Variants in MPHOSPH8 observed in about 807,000 individuals in gnomAD.
MPHOSPH8 encodes the protein M-phase phosphoprotein 8.
In MPHOSPH8, 45 loss-of-function variants were observed where a neutral mutation model predicts 87.3. That is an observed-to-expected ratio of 0.52 (90% CI 0.41 to 0.66). The LOEUF is 0.66. Ranked by LOEUF, MPHOSPH8 falls within the 30% of genes least tolerant of loss-of-function variation. The pLI, the probability that MPHOSPH8 is intolerant of heterozygous loss-of-function variation, is 0.00. For missense variants in MPHOSPH8, 883 were observed against 1,020.2 expected (o/e 0.87, Z 1.83); for synonymous variants, 366 against 376.9 (o/e 0.97, Z 0.33).
At chr13:19,645,954 G>A (rs1489863910) in intron 2 of MPHOSPH8, among the ~76,000 whole-genome samples, 4 of 152,082 alleles carry the variant, frequency 2.6e-5, no homozygotes, top group African/African-American at 4.8e-5. Flanking sequence ...ACATGAACTT[G>A]GGAAGTAAGA....
chr13:19,642,282 T>G lies in MPHOSPH8; in HGVS notation c.369+12T>G. ...GGAAGGATATTCAGGTACTATGTTT[T>G]GTCTCATATTTGTTTTTACATACAT... is the stretch of plus-strand genomic sequence containing the variant. On this transcript the variant is annotated intron_variant, in intron 2 of 13. Transcript: ENST00000361479. 6.4e-7 allele frequency: 1 copy of G among 1,570,068 alleles called. No individual in the cohort carries two copies. The highest frequency in any genetic ancestry group is 8.6e-7 in the Non-Finnish European group (1 of 1,164,828).
At chr13:19,668,652 C>G in intron 11 of MPHOSPH8, 121 bp downstream of exon 11, 1 of 1,151,058 alleles carries the variant, frequency 8.7e-7, no homozygotes. Context: ...TGTAATAATT[C>G]TGCAGACCGG....
At chr13:19,660,542 G>C (rs1368447554) in intron 7 of MPHOSPH8, among the ~76,000 whole-genome samples, 1 of 152,132 alleles carries the variant, frequency 6.6e-6, no homozygotes, top group Non-Finnish European at 1.5e-5. Flanking sequence ...AAATAATATA[G>C]ATTGAGAATT....
intron 7 of MPHOSPH8, chr13:19,661,060 C>T: frequency 1.5e-6 from 1 of 651,098 alleles, no homozygotes; most frequent in Non-Finnish European, 1.9e-6. Context: ...GAGTTTGAGA[C>T]CAGCCTGGGC....
Position 19,672,768 on chromosome 13 carries a change from T to A in MPHOSPH8, c.*893T>A, listed in dbSNP as rs1304875458. On this transcript the variant is annotated 3_prime_UTR_variant, in exon 14 of 14. Coordinates refer to ENST00000361479, the MANE Select transcript of MPHOSPH8 (RefSeq NM_017520.4). Reference sequence around the variant, plus strand: ...GAGAATCTAAGATGTAGTAAGAATGTAAACCAGTACACTATGAGACCTAAA... The same window carrying A: ...GAGAATCTAAGATGTAGTAAGAATGAAAACCAGTACACTATGAGACCTAAA... 3 of 187,986 alleles carry A rather than the reference T, an allele frequency of 1.6e-5. No homozygotes were observed. Among genetic ancestry groups the A allele is most frequent in the African/African-American group, 7.0e-5 (3 of 42,944 alleles). The allele number at this position is 187,986 out of a possible 1,614,324, so 11.6% of individuals were successfully genotyped here.
At position 19,659,252 on chromosome 13, in the gene MPHOSPH8, C is replaced by T. The variant is rs1875374383; in HGVS notation, c.1754C>T (p.Ala585Val). The T allele has an allele frequency of 4.3e-6, 7 of 1,611,888 alleles. No homozygotes were observed. Among genetic ancestry groups the T allele is most frequent in the Non-Finnish European group, 5.9e-6 (7 of 1,179,386 alleles). ...GGGGATTATATTACTGTAAAAGTTG[C>T]ACTTAATTCAAATGAAGAATATAAC... The part of the protein sequence containing the change: ...KNGDYITVKV[A>V]LNSNEEYNLD... Residue 585 changes from alanine to valine, a missense_variant, in exon 7 of 14, where the codon GCA (alanine) becomes GTA (valine). Ala to Val is a moderately conservative substitution (Grantham distance 64, BLOSUM62 0). This residue lies in a region of MPHOSPH8 where 741 missense variants were observed against 841.5 expected (regional missense o/e 0.88). Coordinates refer to ENST00000361479, the MANE Select transcript of MPHOSPH8 (RefSeq NM_017520.4).
chr13:19,635,498 A>G (rs1873960047), intron 1 of MPHOSPH8, among the ~76,000 whole-genome samples: 1 of 152,226 alleles, frequency 6.6e-6, no homozygotes, highest in South Asian at 2.1e-4. Flanking sequence ...ACTGCCCTCC[A>G]GCCTGGGCGA....
intron 5 of MPHOSPH8, among the ~76,000 whole-genome samples, chr13:19,657,105 G>A (rs1168127864): frequency 5.2e-5 from 4 of 77,468 alleles, no homozygotes; most frequent in African/African-American, 2.2e-4. Context: ...CTGGGCAACA[G>A]CACAAAACTC....
At chr13:19,660,324 T>C (rs1593485408) in intron 7 of MPHOSPH8, among the ~76,000 whole-genome samples, 1 of 151,738 alleles carries the variant, frequency 6.6e-6, no homozygotes, top group East Asian at 1.9e-4. Context: ...ATTTTAGGTT[T>C]GTGTTTGAGT....
chr13:19,650,435 C>T (rs1874782586), intron 5 of MPHOSPH8, 175 bp downstream of exon 5: 1 of 632,730 alleles, frequency 1.6e-6, no homozygotes, highest in Non-Finnish European at 2.5e-6. Context: ...TGTGACTTCT[C>T]AATGGATCAA....
intron 5 of MPHOSPH8, chr13:19,650,511 A>G: frequency 5.7e-6 from 2 of 352,798 alleles, no homozygotes; most frequent in African/African-American, 2.1e-5. Context: ...CTGATTTTCT[A>G]CCTTACCTAC....
At chr13:19,670,794 TAATA>T in intron 12 of MPHOSPH8, 1 of 1,222,158 alleles carries the variant, frequency 8.2e-7, no homozygotes, top group Non-Finnish European at 1.0e-6. Context: ...TGTATATTTT[TAATA>T]AATCAAGGGA....
At chr13:19,663,191 C>T (rs1011760556) in intron 9 of MPHOSPH8, 65 bp downstream of exon 9, 1 of 1,364,378 alleles carries the variant, frequency 7.3e-7, no homozygotes, top group Admixed American at 1.7e-5. Context: ...TTGGCATCTG[C>T]CACTGCCAGG....
intron 9 of MPHOSPH8, among the ~76,000 whole-genome samples, chr13:19,664,188 C>T (rs985956008): frequency 3.9e-5 from 6 of 152,168 alleles, no homozygotes; most frequent in Admixed American, 3.3e-4. Flanking sequence ...GTTGCCCAGG[C>T]TTGTCTTGAA....
intron 1 of MPHOSPH8, among the ~76,000 whole-genome samples, chr13:19,641,628 G>T (rs566046224): frequency 2.0e-4 from 31 of 151,858 alleles, no homozygotes; most frequent in African/African-American, 6.8e-4. Context: ...AAGTAGCTGG[G>T]ATTACAGGCG....
intron 2 of MPHOSPH8, among the ~76,000 whole-genome samples, chr13:19,642,655 TAAAAC>T (rs1043725929): frequency 2.0e-5 from 3 of 151,736 alleles, no homozygotes; most frequent in African/African-American, 7.3e-5. Flanking sequence ...TTCTGCTAGT[TAAAAC>T]AAATTATCTG....
intron 9 of MPHOSPH8, 134 bp from the exon 10 acceptor site, chr13:19,666,291 C>G (rs1875809314): frequency 2.2e-6 from 2 of 924,704 alleles, no homozygotes; most frequent in East Asian, 2.4e-5. Flanking sequence ...CTGACGGGCC[C>G]CAAAAGTTCT....
intron 1 of MPHOSPH8, 53 bp downstream of exon 1, chr13:19,634,014 G>C (rs1378602028): frequency 9.0e-6 from 14 of 1,559,044 alleles, no homozygotes; most frequent in African/African-American, 1.3e-5. Flanking sequence ...GGGCCTGGCG[G>C]GGAGGACGCG....
chr13:19,666,071 A>G (rs1206981502), intron 9 of MPHOSPH8, among the ~76,000 whole-genome samples: 2 of 152,176 alleles, frequency 1.3e-5, no homozygotes, highest in Non-Finnish European at 2.9e-5. Flanking sequence ...CGTGGCATGG[A>G]CAGAGGGCAG....
Sources: allele counts gnomAD v4.1 joint callset (sites outside exome capture counted in the v4.1 genomes callset), GRCh38; gene constraint gnomAD v4.1.1; regional missense constraint gnomAD v4.1.1; transcripts MANE v1.5; gene names NCBI Gene and HGNC (gene_info 2026-07-23, HGNC 2026-07-21).